Variants in TMEM65 observed in about 807,000 individuals in gnomAD.
The protein encoded by TMEM65 is transmembrane protein 65.
A neutral mutation model predicts 25.4 loss-of-function variants in TMEM65; 22 were observed. The observed-to-expected ratio is 0.86, with a 90% CI of 0.62 to 1.23. The LOEUF is 1.23. TMEM65 is among the 50% of genes most tolerant of loss of function. The probability of loss-of-function intolerance (pLI) is 0.00; values close to 1 mark genes in which losing one functional copy is unlikely to be tolerated. For missense variants in TMEM65, 262 were observed against 308.2 expected (o/e 0.85, Z 1.12); for synonymous variants, 132 against 126.2 (o/e 1.05, Z -0.31).
In TMEM65 at chr8:124,309,525, A is replaced by G. The variant is rs1449415884; in HGVS notation, c.*4435T>C. 6.6e-6 allele frequency: 1 copy of G among 152,242 alleles called. No individual in the cohort carries two copies. The highest frequency in any genetic ancestry group is 2.4e-5 in the African/African-American group (1 of 41,468). 9.4% of individuals were successfully genotyped at this position (152,242 alleles called of 1,614,324 possible). On this transcript the variant is annotated 3_prime_UTR_variant, in exon 7 of 7. Coordinates refer to ENST00000297632, the MANE Select transcript of TMEM65 (RefSeq NM_194291.3). ...TGAAACAAAAAGAAAACATTTTACA[A>G]TGAATTCCAAAGTGAAACATATTTC...
At chr8:124,337,228 C>T in intron 1 of TMEM65, among the ~76,000 whole-genome samples, 1 of 151,880 alleles carries the variant, frequency 6.6e-6, no homozygotes, top group East Asian at 1.9e-4. Context: ...ATCAATCCTA[C>T]AAACTCAAAA....
At chr8:124,328,068 C>G (rs999696915) in intron 2 of TMEM65, among the ~76,000 whole-genome samples, 1 of 152,028 alleles carries the variant, frequency 6.6e-6, no homozygotes, top group Non-Finnish European at 1.5e-5. Context: ...CCTCTTGCTA[C>G]CAAAAACACA....
intron 1 of TMEM65, among the ~76,000 whole-genome samples, chr8:124,358,334 G>T (rs1466204739): frequency 6.6e-6 from 1 of 152,148 alleles, no homozygotes; most frequent in Non-Finnish European, 1.5e-5. Flanking sequence ...AGTGAACATG[G>T]TGTTTTTAAA....
chr8:124,340,317 T>C (rs1465098149), intron 1 of TMEM65, among the ~76,000 whole-genome samples: 2 of 152,194 alleles, frequency 1.3e-5, no homozygotes, highest in Non-Finnish European at 2.9e-5. Flanking sequence ...TGTGTGATAT[T>C]TTCTATTTCC....
chr8:124,354,016 G>A (rs1353662833), intron 1 of TMEM65, among the ~76,000 whole-genome samples: 4 of 151,992 alleles, frequency 2.6e-5, no homozygotes, highest in African/African-American at 9.7e-5. Context: ...CAAATGATAG[G>A]ATGAAAAAGA....
chr8:124,307,264 T>C lies in TMEM65; in HGVS notation c.*6696A>G, dbSNP rs1335926513. ...GTTCTCAGTTATTTTTCATCATGTT[T>C]AGTACAACCATAAACCTTGCAATAA... On this transcript the variant is annotated 3_prime_UTR_variant, in exon 7 of 7. Transcript: ENST00000297632. 1 of 152,204 alleles carries C rather than the reference T, an allele frequency of 6.6e-6. No individual in the cohort carries two copies. Among genetic ancestry groups the C allele is most frequent in the Non-Finnish European group, 1.5e-5 (1 of 68,050 alleles). The allele number at this position is 152,204 out of a possible 1,614,324, so 9.4% of individuals were successfully genotyped here. A position where few individuals can be genotyped will look rare whatever the true frequency, so the allele number is the denominator to read the frequency against.
At chr8:124,314,093 T>C (rs1814201569) in intron 6 of TMEM65, 32 bp from the exon 7 acceptor site, 1 of 1,561,316 alleles carries the variant, frequency 6.4e-7, no homozygotes, top group African/African-American at 1.4e-5. Flanking sequence ...TTTTTAAAGT[T>C]ACTTTATCTC....
chr8:124,364,076 A>G (rs1814908730), intron 1 of TMEM65, among the ~76,000 whole-genome samples: 2 of 152,176 alleles, frequency 1.3e-5, no homozygotes, highest in South Asian at 4.1e-4. Context: ...TCAAAAATCA[A>G]TAATAATGTG....
chr8:124,327,671 AACACAC>A (rs71289656), intron 2 of TMEM65, among the ~76,000 whole-genome samples: 46,468 of 148,592 alleles, frequency 0.31, 7,869 homozygotes, highest in Non-Finnish European at 0.39. Context: ...TCTTACTGGT[AACACAC>A]ACACACACAC....
chr8:124,343,980 C>T (rs975213920), intron 1 of TMEM65, among the ~76,000 whole-genome samples: 2 of 152,174 alleles, frequency 1.3e-5, no homozygotes, highest in South Asian at 4.1e-4. Context: ...AACCCTAATT[C>T]CTTGTCAGTA....
intron 1 of TMEM65, among the ~76,000 whole-genome samples, chr8:124,359,515 G>A (rs558602874): frequency 1.8e-3 from 274 of 152,268 alleles, no homozygotes; most frequent in Non-Finnish European, 3.0e-3. Flanking sequence ...ACCATGGCAG[G>A]CAGATCCCTT....
intron 1 of TMEM65, among the ~76,000 whole-genome samples, chr8:124,337,240 C>T (rs1814523109): frequency 6.6e-6 from 1 of 151,802 alleles, no homozygotes; most frequent in South Asian, 2.1e-4. Context: ...AACTCAAAAG[C>T]TCTTCCAAAA....
chr8:124,343,389 C>T (rs1814604784), intron 1 of TMEM65, among the ~76,000 whole-genome samples: 1 of 152,124 alleles, frequency 6.6e-6, no homozygotes, highest in African/African-American at 2.4e-5. Flanking sequence ...AGTATATTAT[C>T]ATCAGGTAAA....
intron 1 of TMEM65, among the ~76,000 whole-genome samples, chr8:124,346,199 T>C (rs1054157315): frequency 6.6e-6 from 1 of 152,148 alleles, no homozygotes; most frequent in Non-Finnish European, 1.5e-5. Context: ...TTTAAAACCA[T>C]CAGATCTCGT....
chr8:124,342,779 T>C (rs539619219), intron 1 of TMEM65, among the ~76,000 whole-genome samples: 1 of 152,238 alleles, frequency 6.6e-6, no homozygotes, highest in African/African-American at 2.4e-5. Context: ...GCTAAAGTGG[T>C]TTATAACTAA....
In TMEM65 at chr8:124,372,271, G is replaced by A; in HGVS notation, c.-114C>T. ...CCCCGCCCCGAGGTCCTCCTGCCAGGCAGCCGAGGCGCCGGGCACCATGCA... is the reference window on the plus strand; with the variant it reads ...CCCCGCCCCGAGGTCCTCCTGCCAGACAGCCGAGGCGCCGGGCACCATGCA... On this transcript the variant is annotated 5_prime_UTR_variant, in exon 1 of 7. Coordinates refer to ENST00000297632, the MANE Select transcript of TMEM65 (RefSeq NM_194291.3). The A allele has an allele frequency of 2.0e-6, 2 of 1,020,176 alleles. No individual in the cohort carries two copies. The highest frequency in any genetic ancestry group is 5.0e-5 in the South Asian group (2 of 39,652). 63.2% of individuals were successfully genotyped at this position (1,020,176 alleles called of 1,614,324 possible). A position where few individuals can be genotyped will look rare whatever the true frequency, so the allele number is the denominator to read the frequency against.
rs748948229 is a variant in TMEM65 at position 124,371,849 on chromosome 8, C to T, written c.304+5G>A. 4.8e-5 allele frequency: 73 copies of T among 1,524,378 alleles called. No individual in the cohort carries two copies. The highest frequency in any genetic ancestry group is 6.2e-5 in the Non-Finnish European group (71 of 1,141,712). The allele number at this position is 1,524,378 out of a possible 1,614,324, so 94.4% of individuals were successfully genotyped here. A position where few individuals can be genotyped will look rare whatever the true frequency, so the allele number is the denominator to read the frequency against. ...CCGGGCTCGCCCCCCACCTGCCCCC[C>T]TTACCTTGGGCAATGGCAATAGACT... On this transcript the variant is annotated splice_donor_5th_base_variant and intron_variant, in intron 1 of 6. Transcript: ENST00000297632.
intron 1 of TMEM65, among the ~76,000 whole-genome samples, chr8:124,346,772 C>G (rs1338266851): frequency 2.0e-5 from 3 of 152,156 alleles, no homozygotes; most frequent in African/African-American, 7.2e-5. Context: ...AAATCACAGT[C>G]TGGCCTAATT....
intron 3 of TMEM65, among the ~76,000 whole-genome samples, chr8:124,326,503 T>A (rs145579244): frequency 1.3e-5 from 2 of 152,142 alleles, no homozygotes; most frequent in East Asian, 1.9e-4. Context: ...ATTCAACTAT[T>A]TAGAACCACA....
Sources: gnomAD v4.1 joint callset for allele counts (sites outside exome capture counted in the v4.1 genomes callset) on GRCh38, gnomAD v4.1.1 for gene constraint, MANE v1.5 for transcripts, NCBI Gene and HGNC (gene_info 2026-07-23, HGNC 2026-07-21) for gene names.